MED16: variants seen among roughly 807,000 people sequenced by gnomAD.
MED16 encodes the protein mediator complex subunit 16.
Under a neutral mutation model 84.4 loss-of-function variants are expected in MED16, and 81 were observed. The observed-to-expected ratio is 0.96, with a 90% confidence interval of 0.80 to 1.15. The LOEUF (loss-of-function observed/expected upper bound fraction) is 1.15, where lower values mean the gene tolerates loss of function less well. Ranked by LOEUF, MED16 falls within the 50% of genes most tolerant of loss-of-function variation. The pLI, the probability that MED16 is intolerant of heterozygous loss-of-function variation, is 0.00. For synonymous variants in MED16, 897 were observed against 552.2 expected, an observed-to-expected ratio of 1.62 and a Z score of -8.76; for missense variants, 1,585 against 1,245.9, an observed-to-expected ratio of 1.27 and a Z score of -4.10.
At chr19:889,880 C>T (rs935567063) in intron 3 of MED16, 73 bp from the exon 4 acceptor site, 1 of 1,498,504 alleles carries the variant, frequency 6.7e-7, no homozygotes, top group South Asian at 1.3e-5. Context: ...CGGCACAGCG[C>T]CTGGGGGAAG....
At chr19:887,229 C>T (rs2036544914) in intron 4 of MED16, among the ~76,000 whole-genome samples, 1 of 152,038 alleles carries the variant, frequency 6.6e-6, no homozygotes, top group South Asian at 2.1e-4. Flanking sequence ...TCCAGAAGTC[C>T]AGGAAGCAAG....
chr19:868,487 G>A lies in MED16; in HGVS notation c.2412C>T (p.Val804=). ...TTCTGTTGGGCGACTTGAGCATGGT[G>A]ACACAGCCGCACCTGCGGGGAGGCA... ...ECKACTRCGC[V]TMLKSPNRTT... is the part of the protein sequence containing the mutation. Residue 804 remains valine (V), a synonymous_variant, in exon 15 of 16, where the codon GTC becomes GTT. Coordinates refer to ENST00000325464, the MANE Select transcript of MED16 (RefSeq NM_005481.3). The A allele has an allele frequency of 2.5e-6, 4 of 1,610,546 alleles. No individual in the cohort carries two copies. Among genetic ancestry groups the A allele is most frequent in the Middle Eastern group, 1.6e-4 (1 of 6,078 alleles).
intron 5 of MED16, among the ~76,000 whole-genome samples, chr19:885,488 G>A (rs1484561471): frequency 6.6e-6 from 1 of 152,158 alleles, no homozygotes; most frequent in Non-Finnish European, 1.5e-5. Flanking sequence ...TCCTCACAGG[G>A]TCCTCAGGAG....
intron 9 of MED16, among the ~76,000 whole-genome samples, chr19:875,944 C>G (rs554089365): frequency 6.6e-6 from 1 of 152,256 alleles, no homozygotes; most frequent in South Asian, 2.1e-4. Flanking sequence ...CACCCCATCT[C>G]TACAAAAAAT....
intron 9 of MED16, among the ~76,000 whole-genome samples, chr19:876,113 C>G (rs528999042): frequency 4.5e-4 from 68 of 152,264 alleles, no homozygotes; most frequent in African/African-American, 1.5e-3. Context: ...ACGCGTTTCT[C>G]GGCAGGCTGT....
intron 12 of MED16, among the ~76,000 whole-genome samples, 186 bp from the exon 13 acceptor site, chr19:871,439 GACCCCAGAGTTCTCTCC>G (rs2036052253): frequency 6.6e-6 from 1 of 152,106 alleles, no homozygotes; most frequent in Non-Finnish European, 1.5e-5. Context: ...CTGGCTGGGT[GACCCCAGAGTTCTCTCC>G]CCGTCTCTGG....
chr19:880,464 C>A (rs957992377), intron 7 of MED16, among the ~76,000 whole-genome samples: 7 of 152,244 alleles, frequency 4.6e-5, no homozygotes, highest in African/African-American at 1.7e-4. Flanking sequence ...AGGTGGGGGA[C>A]CAAGGGTTGG....
intron 13 of MED16, among the ~76,000 whole-genome samples, chr19:870,352 G>C (rs571900328): frequency 2.0e-5 from 3 of 152,246 alleles, no homozygotes; most frequent in Non-Finnish European, 4.4e-5. Flanking sequence ...CCTGAGGTCA[G>C]GAGTTCAAGA....
chr19:887,662 T>C (rs1271019355), intron 4 of MED16, among the ~76,000 whole-genome samples: 3 of 151,932 alleles, frequency 2.0e-5, no homozygotes, highest in Non-Finnish European at 4.4e-5. Context: ...CAAGACTCTG[T>C]CTCAAAAAAA....
At position 889,492 on chromosome 19, in the gene MED16, T is replaced by C. The variant is rs531880354; in HGVS notation, c.447+146A>G. On this transcript the variant is annotated intron_variant, in intron 4 of 15. Transcript: ENST00000325464. Reference sequence around the variant, plus strand: ...GAGAGGCCACTGAACACACAGGTGCTAATGACAGCCGGACTGCAGGTGGGA... The same window carrying C: ...GAGAGGCCACTGAACACACAGGTGCCAATGACAGCCGGACTGCAGGTGGGA... 250 of 857,264 alleles carry C rather than the reference T, an allele frequency of 2.9e-4. 3 individuals carry two copies. The South Asian group carries it at 4.4e-3, about 15-fold the overall frequency. The allele number at this position is 857,264 out of a possible 1,614,324, so 53.1% of individuals were successfully genotyped here. A position where few individuals can be genotyped will look rare whatever the true frequency, so the allele number is the denominator to read the frequency against.
intron 13 of MED16, among the ~76,000 whole-genome samples, chr19:870,762 G>A (rs144312426): frequency 0.01 from 1,541 of 150,366 alleles, 27 homozygotes; most frequent in African/African-American, 0.035. Context: ...GGCAGGACAT[G>A]GAGGGAGGGA....
In MED16 at chr19:877,285, C is replaced by T. The variant is rs2036271915; in HGVS notation, c.1354-105G>A. 4.8e-6 allele frequency: 5 copies of T among 1,050,986 alleles called. No homozygotes were observed. In the South Asian group the frequency reaches 5.8e-5, roughly 12 times the overall value. 65.1% of individuals were successfully genotyped at this position (1,050,986 alleles called of 1,614,324 possible). On this transcript the variant is annotated intron_variant, in intron 8 of 15. Coordinates refer to ENST00000325464, the MANE Select transcript of MED16 (RefSeq NM_005481.3). ...TGCGGCACGTGTGTGGATCTGTGTGCGCGCACGCCCGTGTGTGGGCCTGTG... is the reference window on the plus strand; with the variant it reads ...TGCGGCACGTGTGTGGATCTGTGTGTGCGCACGCCCGTGTGTGGGCCTGTG...
At chr19:884,286 C>A (rs1007617701) in intron 6 of MED16, among the ~76,000 whole-genome samples, 1 of 152,202 alleles carries the variant, frequency 6.6e-6, no homozygotes, top group Non-Finnish European at 1.5e-5. Context: ...AGCAGGCGGG[C>A]GTCCCTGCTT....
intron 4 of MED16, among the ~76,000 whole-genome samples, chr19:887,812 C>T (rs532140277): frequency 2.0e-5 from 3 of 152,092 alleles, no homozygotes; most frequent in Admixed American, 2.0e-4. Context: ...ATGTCCAGGA[C>T]AGGCAGATCC....
Position 875,929 on chromosome 19 carries a change from T to C in MED16, c.1561-475A>G, listed in dbSNP as rs372502487. On this transcript the variant is annotated intron_variant, in intron 9 of 15. Coordinates refer to ENST00000325464, the MANE Select transcript of MED16 (RefSeq NM_005481.3). ...TGGGAGTTGGAGAGCCTGTGCAACG[T>C]AGGACACCCCATCTCTACAAAAAAT... 4.5e-4 allele frequency among the ~76,000 whole-genome samples: 69 copies of C among 152,240 alleles called. No homozygotes were observed. The South Asian group carries it at 1.0e-2, about 22-fold the overall frequency.
chr19:885,831 C>A lies in MED16; in HGVS notation c.818G>T (p.Arg273Leu), dbSNP rs201973018. ...LFMRCTTDLN[R>L]KDKFPAITHL... ...GGTGATGGCGGGAAACTTGTCCTTG[C>A]GGTTGAGGTCGGTGGTGCAGCGCAT... is the stretch of plus-strand genomic sequence containing the variant. The change falls in exon 5 of 16, where the codon CGC becomes CTC. Residue 273 changes from arginine (R) to leucine (L), a missense_variant. Arg to Leu is a moderately radical substitution (Grantham distance 102, BLOSUM62 -2). Transcript: ENST00000325464. 5.6e-6 allele frequency: 9 copies of A among 1,613,530 alleles called. No homozygotes were observed. The Admixed American group carries it at 1.2e-4, about 21-fold the overall frequency.
At chr19:872,656 G>T (rs913567406) in intron 11 of MED16, among the ~76,000 whole-genome samples, 5 of 151,864 alleles carry the variant, frequency 3.3e-5, no homozygotes, top group African/African-American at 1.2e-4. Flanking sequence ...TACCGGCGGG[G>T]GGGTGGGGGC....
Position 890,078 on chromosome 19 carries a change from G to A in MED16, c.277+59C>T, listed in dbSNP as rs1180165729. Reference sequence around the variant, plus strand: ...CTCCAGACTGACCGGAGAAACACAGGGCCCCCCTGCTCCGGGATCCGGGTC... The same window carrying A: ...CTCCAGACTGACCGGAGAAACACAGAGCCCCCCTGCTCCGGGATCCGGGTC... On this transcript the variant is annotated intron_variant, in intron 3 of 15. Coordinates refer to ENST00000325464, the MANE Select transcript of MED16 (RefSeq NM_005481.3). The A allele has an allele frequency of 3.8e-6, 5 of 1,321,408 alleles. No homozygotes were observed. In the African/African-American group the frequency reaches 7.3e-5, roughly 19 times the overall value. 81.9% of individuals were successfully genotyped at this position (1,321,408 alleles called of 1,614,324 possible).
intron 13 of MED16, among the ~76,000 whole-genome samples, chr19:870,379 T>C (rs926498846): frequency 7.9e-5 from 12 of 151,852 alleles, no homozygotes; most frequent in African/African-American, 1.9e-4. Context: ...TGGCCAACAT[T>C]GCAAAACCGC....
Sources: gnomAD v4.1 joint callset for allele counts (sites outside exome capture counted in the v4.1 genomes callset) on GRCh38, gnomAD v4.1.1 for gene constraint, MANE v1.5 for transcripts, NCBI Gene and HGNC (gene_info 2026-07-23, HGNC 2026-07-21) for gene names.